MINK1: variants seen among roughly 807,000 people sequenced by gnomAD.
The protein encoded by MINK1 is misshapen-like kinase 1.
Under a neutral mutation model 178.4 loss-of-function variants are expected in MINK1, and 46 were observed. The observed-to-expected ratio is 0.26, with a 90% CI of 0.20 to 0.33. The LOEUF (loss-of-function observed/expected upper bound fraction) is 0.33, where lower values mean the gene tolerates loss of function less well. MINK1 is among the 10% of genes least tolerant of loss of function. MINK1 has a pLI of 1.00. For missense variants in MINK1, 1,366 were observed against 1,814.9 expected (o/e 0.75, Z 4.49); for synonymous variants, 797 against 709.7 (o/e 1.12, Z -1.96).
chr17:4,884,493 C>T lies in MINK1; in HGVS notation c.417+20C>T, dbSNP rs199881468. ...CTCAGGGTGAGCTCAAGGCCCCTCCCCTTGTCTTCTCCTCCGCTACCCTGG... is the reference window on the plus strand; with the variant it reads ...CTCAGGGTGAGCTCAAGGCCCCTCCTCTTGTCTTCTCCTCCGCTACCCTGG... On this transcript the variant is annotated intron_variant, in intron 5 of 31. Coordinates refer to ENST00000355280, the MANE Select transcript of MINK1 (RefSeq NM_153827.5). The T allele has an allele frequency of 1.3e-5, 21 of 1,564,810 alleles. No individual in the cohort carries two copies. In the African/African-American group the frequency reaches 2.8e-4, roughly 21 times the overall value.
Position 4,897,656 on chromosome 17 carries a change from T to G in MINK1, c.*369T>G. ...GGGCAGGGCCCTGGACCCCTTTATTTGCACGTCAGGGGAGCCGGCTCCCCC... is the reference window on the plus strand; with the variant it reads ...GGGCAGGGCCCTGGACCCCTTTATTGGCACGTCAGGGGAGCCGGCTCCCCC... On this transcript the variant is annotated 3_prime_UTR_variant, in exon 32 of 32. Coordinates refer to ENST00000355280, the MANE Select transcript of MINK1 (RefSeq NM_153827.5). The G allele has an allele frequency of 5.8e-6, 1 of 171,286 alleles. No individual in the cohort carries two copies. The highest frequency in any genetic ancestry group is 1.2e-5 in the Non-Finnish European group (1 of 80,490). 10.6% of individuals were successfully genotyped at this position (171,286 alleles called of 1,614,324 possible).
intron 1 of MINK1, among the ~76,000 whole-genome samples, chr17:4,869,952 G>A (rs1327094337): frequency 6.8e-6 from 1 of 146,770 alleles, no homozygotes; most frequent in East Asian, 2.0e-4. Context: ...TGTCGCCCCA[G>A]GCTGGAATGC....
intron 16 of MINK1, among the ~76,000 whole-genome samples, 183 bp from the exon 17 acceptor site, chr17:4,891,966 C>T (rs890258654): frequency 2.6e-5 from 4 of 152,136 alleles, no homozygotes; most frequent in African/African-American, 9.7e-5. Context: ...CAGACTTTGC[C>T]AGTTAGAACC....
intron 1 of MINK1, among the ~76,000 whole-genome samples, chr17:4,839,757 T>G (rs1909895996): frequency 6.6e-6 from 1 of 152,116 alleles, no homozygotes; most frequent in Admixed American, 6.6e-5. Context: ...GATGGAATTG[T>G]AGTGACCCAA....
chr17:4,888,510 C>T (rs1432449721), intron 12 of MINK1, among the ~76,000 whole-genome samples: 2 of 151,322 alleles, frequency 1.3e-5, no homozygotes, highest in African/African-American at 4.8e-5. Flanking sequence ...GTGGTGCACG[C>T]GCCTATAGTT....
Position 4,894,040 on chromosome 17 carries a change from G to A in MINK1, c.2617G>A (p.Glu873Lys). 6.3e-7 allele frequency: 1 copy of A among 1,590,990 alleles called. No homozygotes were observed. The highest frequency in any genetic ancestry group is 8.6e-7 in the Non-Finnish European group (1 of 1,167,920). ...VSTMVVHDVE[E>K]ITGTQPPYGG... ...CACCATGGTGGTCCACGACGTCGAGGAGATCACCGGGACCCAGCCCCCATA... is the reference window on the plus strand; with the variant it reads ...CACCATGGTGGTCCACGACGTCGAGAAGATCACCGGGACCCAGCCCCCATA... Residue 873 changes from glutamate to lysine, a missense_variant, in exon 22 of 32, where the codon GAG (glutamate) becomes AAG (lysine). By Grantham distance (56) the Glu-to-Lys change is moderately conservative. Transcript: ENST00000355280. This position sits in a 1 kb window ranked among gnomAD's most constrained non-coding sequence, Gnocchi z 4.1.
chr17:4,878,184 G>T, intron 1 of MINK1, 133 bp from the exon 2 acceptor site: 1 of 690,294 alleles, frequency 1.4e-6, no homozygotes, highest in Admixed American at 2.5e-5. Flanking sequence ...AGCCACCAGG[G>T]TTCCTGCCAC....
intron 20 of MINK1, 121 bp downstream of exon 20, chr17:4,893,188 G>C (rs993651216): frequency 9.8e-6 from 15 of 1,537,212 alleles, no homozygotes; most frequent in Non-Finnish European, 1.2e-5. Flanking sequence ...GGGATGGAGG[G>C]ACTGGTGCTT....
intron 1 of MINK1, among the ~76,000 whole-genome samples, chr17:4,848,014 T>C (rs1911298820): frequency 6.6e-6 from 1 of 151,932 alleles, no homozygotes; most frequent in Non-Finnish European, 1.5e-5. Context: ...ACCTCATCTC[T>C]GTTTAAAAGA....
In MINK1 at chr17:4,897,477, T is replaced by G; in HGVS notation, c.*190T>G. ...CACGTGACCATCCTCTTCCCCAACA[T>G]GTCCTCTTCCCAAAACTGTGCCTGT... On this transcript the variant is annotated 3_prime_UTR_variant, in exon 32 of 32. Coordinates refer to ENST00000355280, the MANE Select transcript of MINK1 (RefSeq NM_153827.5). 1.8e-6 allele frequency: 1 copy of G among 568,152 alleles called. No homozygotes were observed. Among genetic ancestry groups the G allele is most frequent in the Non-Finnish European group, 3.1e-6 (1 of 319,832 alleles). 35.2% of individuals were successfully genotyped at this position (568,152 alleles called of 1,614,324 possible).
rs1054193651 is a variant in MINK1, at chr17:4,892,919, G to A, written c.2312-60G>A. On this transcript the variant is annotated intron_variant, in intron 19 of 31. Transcript: ENST00000355280. ...GGGGCTGAGTTCTGGGGCTCAGGGTGTGGGCTTGAGGCCATCCCTTGTTCA... is the reference window on the plus strand; with the variant it reads ...GGGGCTGAGTTCTGGGGCTCAGGGTATGGGCTTGAGGCCATCCCTTGTTCA... The A allele has an allele frequency of 6.8e-6, 10 of 1,460,532 alleles. No individual in the cohort carries two copies. In the Admixed American group the frequency reaches 1.2e-4, roughly 17 times the overall value. 90.5% of individuals were successfully genotyped at this position (1,460,532 alleles called of 1,614,324 possible). A position where few individuals can be genotyped will look rare whatever the true frequency, so the allele number is the denominator to read the frequency against.
chr17:4,896,050 G>C lies in MINK1; in HGVS notation c.3412G>C (p.Val1138Leu). The change falls in exon 28 of 32, where the codon GTG (valine) becomes CTG (leucine). Residue 1138 changes from valine (V) to leucine (L), a missense_variant. This residue lies in a region of MINK1 where 77 missense variants were observed against 119.5 expected (regional missense o/e 0.64). Coordinates refer to ENST00000355280, the MANE Select transcript of MINK1 (RefSeq NM_153827.5). The surrounding 1 kb of genome is among the most constrained non-coding windows in gnomAD (Gnocchi z 4.6). ...KFLVIALKSS[V>L]EVYAWAPKPY... ...CCTGGTCATCGCCCTCAAGAGCTCCGTGGAGGTGTATGCCTGGGCCCCCAA... is the reference window on the plus strand; with the variant it reads ...CCTGGTCATCGCCCTCAAGAGCTCCCTGGAGGTGTATGCCTGGGCCCCCAA... 1 of 1,607,474 alleles carries C rather than the reference G, an allele frequency of 6.2e-7. No individual in the cohort carries two copies. The highest frequency in any genetic ancestry group is 1.1e-5 in the South Asian group (1 of 89,772).
At chr17:4,868,827 G>T in intron 1 of MINK1, 1 of 342,772 alleles carries the variant, frequency 2.9e-6, no homozygotes, top group Non-Finnish European at 6.1e-6. Flanking sequence ...CTTACTGCAT[G>T]CAGCCTCAAC....
chr17:4,875,019 A>G (rs1319334209), intron 1 of MINK1: 1 of 519,584 alleles, frequency 1.9e-6, no homozygotes, highest in Non-Finnish European at 3.9e-6. Context: ...TCAGAAAATT[A>G]TGACCCTAGA....
chr17:4,854,768 C>A (rs764213532), intron 1 of MINK1: 2 of 495,198 alleles, frequency 4.0e-6, no homozygotes, highest in Admixed American at 4.2e-5. Flanking sequence ...CATCGATAGA[C>A]AGAGGACAAG....
intron 1 of MINK1, among the ~76,000 whole-genome samples, chr17:4,876,733 C>A (rs1967215014): frequency 6.6e-6 from 1 of 152,132 alleles, no homozygotes; most frequent in Non-Finnish European, 1.5e-5. Context: ...CTTTCTGCCT[C>A]CGCTCGGTCC....
chr17:4,892,847 C>A, intron 19 of MINK1, 79 bp downstream of exon 19: 1 of 1,428,566 alleles, frequency 7.0e-7, no homozygotes, highest in Non-Finnish European at 9.6e-7. Flanking sequence ...TGGCTTTGGA[C>A]TGGGGCACCC....
In MINK1 at chr17:4,884,917, G is replaced by A; in HGVS notation, c.423G>A (p.Leu141=). Residue 141 remains leucine, a synonymous_variant, in exon 6 of 32, where the codon CTG becomes CTA. Transcript: ENST00000355280. ...TCCCTGCTCTCCTGTCCCAGGGTCT[G>A]GCCCATCTCCATGCCCACAAGGTGA... ...AYICREILRG[L]AHLHAHKVIH... is the part of the protein sequence containing the mutation. 1 of 1,613,842 alleles carries A rather than the reference G, an allele frequency of 6.2e-7. No homozygotes were observed. Among genetic ancestry groups the A allele is most frequent in the South Asian group, 1.1e-5 (1 of 91,040 alleles).
chr17:4,894,264 G>C lies in MINK1; in HGVS notation c.2761G>C (p.Glu921Gln), dbSNP rs780057699. ...GGTCCAGCCCAGCCACTCACCCACC[G>C]AGAACAGCAAAGGCCAAAGCCCACC... is the stretch of plus-strand genomic sequence containing the variant. ...DVVQPSHSPT[E>Q]NSKGQSPPSK... is the part of the protein sequence containing the mutation. Residue 921 changes from glutamate to glutamine, a missense_variant, in exon 23 of 32, where the codon GAG (glutamate) becomes CAG (glutamine). By Grantham distance (29) the Glu-to-Gln change is conservative. Around this residue, in one of 14 missense-constraint regions of MINK1, gnomAD observed 709 missense variants for 692.3 expected, o/e 1.02. Transcript: ENST00000355280. The surrounding 1 kb of genome is among the most constrained non-coding windows in gnomAD (Gnocchi z 4.1). 13 of 1,613,222 alleles carry C rather than the reference G, an allele frequency of 8.1e-6. No individual in the cohort carries two copies. Among genetic ancestry groups the C allele is most frequent in the Non-Finnish European group, 1.1e-5 (13 of 1,179,820 alleles).
Sources: gnomAD v4.1 joint callset for allele counts (sites outside exome capture counted in the v4.1 genomes callset) on GRCh38, gnomAD v4.1.1 for gene constraint, gnomAD v4.1.1 regional missense constraint, Gnocchi (gnomAD v3.1) non-coding constraint, MANE v1.5 for transcripts, NCBI Gene and HGNC (gene_info 2026-07-23, HGNC 2026-07-21) for gene names.